Variants in LRRC4C observed in about 807,000 individuals in gnomAD.
The protein encoded by LRRC4C is leucine rich repeat containing 4C.
LRRC4C carries 5 observed loss-of-function variants against 33.6 expected under a neutral mutation model. That is an observed-to-expected ratio of 0.15 (90% CI 0.08 to 0.31). LRRC4C has a LOEUF of 0.31. LRRC4C is among the 10% of genes least tolerant of loss of function. LRRC4C has a pLI of 1.00. For missense variants in LRRC4C, 560 were observed against 796.7 expected (o/e 0.70, Z 3.58); for synonymous variants, 329 against 302.0 (o/e 1.09, Z -0.93).
intron 1 of LRRC4C, among the ~76,000 whole-genome samples, chr11:41,009,034 G>A (rs1343039380): frequency 3.3e-5 from 5 of 151,860 alleles, no homozygotes; most frequent in Non-Finnish European, 5.9e-5. Context: ...GAAAGATAAC[G>A]CCAACTTTTA....
chr11:41,075,278 A>C (rs998594066), intron 1 of LRRC4C, among the ~76,000 whole-genome samples: 4 of 152,096 alleles, frequency 2.6e-5, no homozygotes, highest in Non-Finnish European at 5.9e-5. Context: ...AATAACTCTC[A>C]TAAGTTTGTT....
chr11:40,522,383 C>T (rs1327412651), intron 3 of LRRC4C, among the ~76,000 whole-genome samples: 1 of 152,070 alleles, frequency 6.6e-6, no homozygotes, highest in Non-Finnish European at 1.5e-5. Context: ...TTGGCTGTGT[C>T]CCCACCCAAA....
intron 2 of LRRC4C, among the ~76,000 whole-genome samples, chr11:40,901,499 A>G (rs1200900937): frequency 2.6e-5 from 4 of 152,130 alleles, no homozygotes; most frequent in Admixed American, 6.5e-5. Flanking sequence ...GTAAAAATGC[A>G]TAATTATTTG....
intron 2 of LRRC4C, among the ~76,000 whole-genome samples, chr11:40,887,510 G>A (rs986688952): frequency 2.0e-5 from 3 of 151,998 alleles, no homozygotes; most frequent in Admixed American, 2.0e-4. Flanking sequence ...TTGAGGTACA[G>A]AGCAAAGACT....
intron 3 of LRRC4C, among the ~76,000 whole-genome samples, chr11:40,586,156 T>G (rs769659571): frequency 1.4e-4 from 21 of 151,534 alleles, no homozygotes; most frequent in South Asian, 2.1e-4. Flanking sequence ...ACTTTTTAAT[T>G]ATTGCCATTC....
intron 2 of LRRC4C, among the ~76,000 whole-genome samples, chr11:40,775,821 G>T (rs1005611170): frequency 6.6e-6 from 1 of 152,164 alleles, no homozygotes; most frequent in Non-Finnish European, 1.5e-5. Context: ...TGTTGAACAG[G>T]AATGGTGAGA....
Position 40,115,705 on chromosome 11 carries a change from C to T in LRRC4C, c.588G>A (p.Leu196=). 6.2e-7 allele frequency: 1 copy of T among 1,614,186 alleles called. No individual in the cohort carries two copies. Among genetic ancestry groups the T allele is most frequent in the South Asian group, 1.1e-5 (1 of 91,088 alleles). The change falls in exon 7 of 7, where the codon CTG becomes CTA. Residue 196 remains leucine (L), a synonymous_variant. Coordinates refer to ENST00000528697, the MANE Select transcript of LRRC4C (RefSeq NM_001258419.2). This position sits in a 1 kb window ranked among gnomAD's most constrained non-coding sequence, Gnocchi z 6.7. The part of the protein sequence containing the change: ...SYISEGAFEG[L]SNLRYLNLAM... Reference sequence around the variant, plus strand: ...CAAGGTTCAAATACCTCAAGTTGGACAGACCTTCAAAGGCACCTTCTGAGA... The same window carrying T: ...CAAGGTTCAAATACCTCAAGTTGGATAGACCTTCAAAGGCACCTTCTGAGA...
rs1862697051 is a variant in LRRC4C at position 40,200,936 on chromosome 11, T to C, written c.-96+40583A>G. ...AGCGTCACATCTTTTTCCTTGGCTCTTCCACCAAACCATTGCTACTCATGA... is the reference window on the plus strand; with the variant it reads ...AGCGTCACATCTTTTTCCTTGGCTCCTCCACCAAACCATTGCTACTCATGA... On this transcript the variant is annotated intron_variant, in intron 5 of 6. Coordinates refer to ENST00000528697, the MANE Select transcript of LRRC4C (RefSeq NM_001258419.2). Among the ~76,000 whole-genome samples, 4 of 152,184 alleles carry C rather than the reference T, an allele frequency of 2.6e-5. No individual in the cohort carries two copies. In the South Asian group the frequency reaches 8.3e-4, roughly 32 times the overall value.
chr11:41,158,424 C>A (rs1944326432), intron 1 of LRRC4C, among the ~76,000 whole-genome samples: 1 of 152,040 alleles, frequency 6.6e-6, no homozygotes. Context: ...GTAGAAGGAT[C>A]CCATATTCAC....
intron 2 of LRRC4C, among the ~76,000 whole-genome samples, chr11:40,921,779 T>A (rs975467360): frequency 5.9e-5 from 9 of 152,210 alleles, no homozygotes; most frequent in Admixed American, 2.0e-4. Context: ...CTGGTTGTTT[T>A]AAGCCACTAA....
intron 1 of LRRC4C, among the ~76,000 whole-genome samples, chr11:41,281,078 CCTCTCTCTCT>C (rs142279457): frequency 6.0e-5 from 5 of 83,142 alleles, no homozygotes; most frequent in African/African-American, 2.2e-4. Flanking sequence ...CTCTCTCTGT[CCTCTCTCTCT>C]CTCTCTCTCT....
chr11:40,689,683 C>G (rs1032189477), intron 2 of LRRC4C, among the ~76,000 whole-genome samples: 1 of 152,056 alleles, frequency 6.6e-6, no homozygotes, highest in African/African-American at 2.4e-5. Flanking sequence ...CACCAAAAAA[C>G]AGCTAAGGTT....
intron 4 of LRRC4C, among the ~76,000 whole-genome samples, chr11:40,257,036 T>C (rs1867263657): frequency 6.6e-6 from 1 of 152,204 alleles, no homozygotes; most frequent in South Asian, 2.1e-4. Flanking sequence ...TGTTTAAGAA[T>C]GTTAGTTCCA....
At chr11:40,589,803 G>A (rs967670433) in intron 3 of LRRC4C, among the ~76,000 whole-genome samples, 42 of 149,210 alleles carry the variant, frequency 2.8e-4, no homozygotes, top group Admixed American at 2.4e-3. Flanking sequence ...TTGAATATTG[G>A]CCCCCACTCT....
intron 3 of LRRC4C, chr11:40,445,201 T>G: frequency 6.6e-6 from 1 of 152,196 alleles, no homozygotes; most frequent in East Asian, 1.9e-4. Flanking sequence ...AAATGCAAAG[T>G]GTGTGTCCTG....
intron 3 of LRRC4C, among the ~76,000 whole-genome samples, chr11:40,492,531 G>C (rs1018027000): frequency 6.6e-6 from 1 of 151,402 alleles, no homozygotes; most frequent in Middle Eastern, 3.2e-3. Flanking sequence ...ACGTTATTAC[G>C]TATCTTTTAG....
intron 2 of LRRC4C, among the ~76,000 whole-genome samples, chr11:40,908,925 T>C (rs1309375818): frequency 6.6e-6 from 1 of 152,112 alleles, no homozygotes; most frequent in East Asian, 1.9e-4. Flanking sequence ...TACGGGTGCA[T>C]TACCTATGCC....
At chr11:40,725,040 G>T (rs1258002667) in intron 2 of LRRC4C, among the ~76,000 whole-genome samples, 1 of 152,102 alleles carries the variant, frequency 6.6e-6, no homozygotes, top group African/African-American at 2.4e-5. Flanking sequence ...GCAGGAGAAA[G>T]CTACCCTGTC....
At chr11:41,210,490 A>T (rs1946778711) in intron 1 of LRRC4C, among the ~76,000 whole-genome samples, 2 of 152,230 alleles carry the variant, frequency 1.3e-5, no homozygotes, top group South Asian at 4.2e-4. Flanking sequence ...CTGAACTGTG[A>T]GTCCATTAAA....
Sources: gnomAD v4.1 joint callset for allele counts (sites outside exome capture counted in the v4.1 genomes callset) on GRCh38, gnomAD v4.1.1 for gene constraint, Gnocchi (gnomAD v3.1) non-coding constraint, MANE v1.5 for transcripts, NCBI Gene and HGNC (gene_info 2026-07-23, HGNC 2026-07-21) for gene names.